The following INPP4A variants were observed in gnomAD, a reference collection of about 807,000 sequenced individuals.
INPP4A encodes inositol polyphosphate-4-phosphatase, type I, 107kD.
INPP4A carries 33 observed loss-of-function variants against 119.8 expected under a neutral mutation model. That is an observed-to-expected ratio of 0.28 (90% CI 0.21 to 0.37). The LOEUF (loss-of-function observed/expected upper bound fraction) is 0.37. Among genes scored for constraint, INPP4A ranks in the 10% least tolerant of loss-of-function variants. INPP4A has a pLI of 1.00. For synonymous variants in INPP4A, 496 were observed against 500.7 expected (o/e 0.99, Z 0.12); for missense variants, 956 against 1,289.9 (o/e 0.74, Z 3.97).
chr2:98,487,306 C>G (rs1250753114), intron 1 of INPP4A, among the ~76,000 whole-genome samples: 1 of 152,186 alleles, frequency 6.6e-6, no homozygotes, highest in Non-Finnish European at 1.5e-5. Flanking sequence ...TCATATCTCC[C>G]TAGGCTCCTT....
At chr2:98,494,247 A>G (rs960762962) in intron 1 of INPP4A, among the ~76,000 whole-genome samples, 1 of 152,234 alleles carries the variant, frequency 6.6e-6, no homozygotes, top group African/African-American at 2.4e-5. Context: ...GCAAGGCTGC[A>G]TGTTGCAGAG....
chr2:98,452,619 G>A (rs542238177), intron 1 of INPP4A, among the ~76,000 whole-genome samples: 4 of 152,330 alleles, frequency 2.6e-5, no homozygotes, highest in African/African-American at 4.8e-5. Flanking sequence ...CCTGGGGGCC[G>A]CTTTGCTCTC....
At chr2:98,551,415 C>T (rs1034927545) in intron 13 of INPP4A, among the ~76,000 whole-genome samples, 1 of 152,206 alleles carries the variant, frequency 6.6e-6, no homozygotes, top group Non-Finnish European at 1.5e-5. Context: ...CGGTCTGCTG[C>T]ATGGGCTTCT....
Position 98,552,966 on chromosome 2 carries a change from C to A in INPP4A, c.1344C>A (p.Asp448Glu), listed in dbSNP as rs1372612020. ...AGAGGACACTCGCCATCTTGGCAGACAAGGTAGGAGGGGTGCCCTGCTACA... is the reference window on the plus strand; with the variant it reads ...AGAGGACACTCGCCATCTTGGCAGAAAAGGTAGGAGGGGTGCCCTGCTACA... ...GLERTLAILA[D>E]KTRQLVTVCD... Residue 448 changes from aspartate (D) to glutamate (E), a missense_variant, in exon 14 of 25, where the codon GAC becomes GAA. Asp to Glu is a conservative substitution (Grantham distance 45). This residue lies in a region of INPP4A where 652 missense variants were observed against 797.9 expected (regional missense o/e 0.82). Transcript: ENST00000409851. 1.9e-6 allele frequency: 3 copies of A among 1,608,618 alleles called. No homozygotes were observed. The East Asian group carries it at 6.7e-5, about 36-fold the overall frequency.
chr2:98,532,614 A>G (rs1689454283), intron 4 of INPP4A, among the ~76,000 whole-genome samples: 1 of 152,186 alleles, frequency 6.6e-6, no homozygotes, highest in Non-Finnish European at 1.5e-5. Flanking sequence ...GGCTACATGT[A>G]TAGCCTGTTA....
intron 4 of INPP4A, among the ~76,000 whole-genome samples, chr2:98,529,379 T>G (rs1341628289): frequency 6.6e-6 from 1 of 152,166 alleles, no homozygotes; most frequent in Non-Finnish European, 1.5e-5. Context: ...TTGTTGTTTT[T>G]GGATTGATGA....
chr2:98,506,842 C>T (rs1273936237), intron 1 of INPP4A, among the ~76,000 whole-genome samples: 1 of 152,186 alleles, frequency 6.6e-6, no homozygotes, highest in African/African-American at 2.4e-5. Flanking sequence ...TCCCCTGTGG[C>T]AGGGAGGGGG....
Position 98,546,686 on chromosome 2 carries a change from C to G in INPP4A, c.1155C>G (p.Thr385=), listed in dbSNP as rs1692535105. Residue 385 remains threonine, a synonymous_variant, in exon 13 of 25, where the codon ACC becomes ACG. Transcript: ENST00000409851. The surrounding 1 kb of genome is among the most constrained non-coding windows in gnomAD (Gnocchi z 4.2). Reference sequence around the variant, plus strand: ...AAAAGCTGCACAAATTTGAAGAGACCAAGAAACAGTAAGTAGCCAGAGAGG... The same window carrying G: ...AAAAGCTGCACAAATTTGAAGAGACGAAGAAACAGTAAGTAGCCAGAGAGG... The part of the protein sequence containing the change: ...LRKKLHKFEE[T]KKHTSSGCQS... The G allele has an allele frequency of 1.3e-6, 2 of 1,597,034 alleles. No homozygotes were observed. Among genetic ancestry groups the G allele is most frequent in the African/African-American group, 2.7e-5 (2 of 74,526 alleles).
chr2:98,524,454 T>C (rs1574909509), intron 4 of INPP4A, among the ~76,000 whole-genome samples: 1 of 151,908 alleles, frequency 6.6e-6, no homozygotes, highest in South Asian at 2.1e-4. Context: ...ATAGGCTGGG[T>C]TGGGGGAGGA....
intron 1 of INPP4A, among the ~76,000 whole-genome samples, chr2:98,475,656 A>G (rs1002638110): frequency 7.2e-5 from 11 of 152,174 alleles, no homozygotes; most frequent in African/African-American, 1.7e-4. Flanking sequence ...ATGACCAACA[A>G]TGGTTGTAGT....
chr2:98,505,097 A>G (rs1441773059), intron 1 of INPP4A, among the ~76,000 whole-genome samples: 1 of 152,256 alleles, frequency 6.6e-6, no homozygotes, highest in Non-Finnish European at 1.5e-5. Context: ...TTAAAGTACT[A>G]TACTAATAAC....
chr2:98,470,277 C>T (rs1675716862), intron 1 of INPP4A, among the ~76,000 whole-genome samples: 1 of 152,228 alleles, frequency 6.6e-6, no homozygotes, highest in African/African-American at 2.4e-5. Flanking sequence ...AGCTCTGGAC[C>T]CAGTGGTGCA....
At chr2:98,565,803 C>A in intron 20 of INPP4A, 37 bp downstream of exon 20, 1 of 1,595,766 alleles carries the variant, frequency 6.3e-7, no homozygotes, top group Non-Finnish European at 8.5e-7. Context: ...AGCCAGAGAG[C>A]GGTTTTCATT....
intron 1 of INPP4A, among the ~76,000 whole-genome samples, chr2:98,457,910 C>T (rs1696403778): frequency 1.3e-5 from 2 of 152,152 alleles, no homozygotes; most frequent in African/African-American, 4.8e-5. Flanking sequence ...AAGCAGTTCT[C>T]CCACCTCAGC....
intron 3 of INPP4A, 35 bp from the exon 4 acceptor site, chr2:98,520,652 A>G (rs768607275): frequency 2.3e-5 from 32 of 1,364,420 alleles, no homozygotes; most frequent in Non-Finnish European, 2.9e-5. Context: ...AAAGTTTATT[A>G]AGGATGATTT....
intron 1 of INPP4A, among the ~76,000 whole-genome samples, chr2:98,470,617 C>T (rs1456049399): frequency 1.3e-5 from 2 of 151,896 alleles, no homozygotes; most frequent in African/African-American, 4.8e-5. Flanking sequence ...TCTGGTTAGA[C>T]GTGGTTCAGG....
At chr2:98,581,837 A>G in intron 24 of INPP4A, 1 of 1,503,472 alleles carries the variant, frequency 6.7e-7, no homozygotes, top group South Asian at 1.3e-5. Context: ...CTAACTGGAC[A>G]GAAGGAATGT....
Position 98,572,869 on chromosome 2 carries a change from G to A in INPP4A, c.2573G>A (p.Gly858Asp). 11 of 1,579,814 alleles carry A rather than the reference G, an allele frequency of 7.0e-6. No homozygotes were observed. Among genetic ancestry groups the A allele is most frequent in the Non-Finnish European group, 7.7e-6 (9 of 1,162,976 alleles). The change falls in exon 23 of 25, where the codon GGT becomes GAT. Residue 858 changes from glycine to aspartate, a missense_variant. Around this residue, in one of 2 missense-constraint regions of INPP4A, gnomAD observed 304 missense variants for 492.1 expected, o/e 0.62. Transcript: ENST00000409851. ...TCLPELLRFL[G>D]QNVHARKNKN... ...CTGCCAGAGCTGCTGCGGTTTCTGGGTCAGAACGTGCATGCCCGGAAGAAT... is the reference window on the plus strand; with the variant it reads ...CTGCCAGAGCTGCTGCGGTTTCTGGATCAGAACGTGCATGCCCGGAAGAAT...
chr2:98,584,389 A>T (rs2106556725), intron 24 of INPP4A, among the ~76,000 whole-genome samples: 1 of 152,352 alleles, frequency 6.6e-6, no homozygotes, highest in Middle Eastern at 3.4e-3. Flanking sequence ...GTGGCTAGGC[A>T]GAGCCCATGC....
Sources: allele counts gnomAD v4.1 joint callset (sites outside exome capture counted in the v4.1 genomes callset), GRCh38; gene constraint gnomAD v4.1.1; regional missense constraint gnomAD v4.1.1; non-coding constraint Gnocchi (gnomAD v3.1); transcripts MANE v1.5; gene names NCBI Gene and HGNC (gene_info 2026-07-23, HGNC 2026-07-21).